TFEC: variants seen among roughly 807,000 people sequenced by gnomAD.
The protein encoded by TFEC is class E basic helix-loop-helix protein 34.
TFEC carries 31 observed loss-of-function variants against 41.6 expected under a neutral mutation model. The ratio of observed to expected loss-of-function variants is 0.74; its 90% confidence interval spans 0.56 to 1.01. The LOEUF (loss-of-function observed/expected upper bound fraction) is 1.01. Among genes scored for constraint, TFEC ranks in the 50% least tolerant of loss-of-function variants. The pLI, the probability that TFEC is intolerant of heterozygous loss-of-function variation, is 0.00. For missense variants in TFEC, 402 were observed against 404.1 expected, an observed-to-expected ratio of 0.99 and a Z score of 0.04; for synonymous variants, 143 against 140.6, an observed-to-expected ratio of 1.02 and a Z score of -0.12.
At chr7:115,972,397 A>C (rs1398665808) in intron 3 of TFEC, among the ~76,000 whole-genome samples, 6 of 152,088 alleles carry the variant, frequency 3.9e-5, no homozygotes, top group African/African-American at 1.4e-4. Flanking sequence ...ACCAAAGCAA[A>C]GGCAGGTTAC....
At chr7:115,955,662 T>G (rs149603551) in intron 4 of TFEC, among the ~76,000 whole-genome samples, 1 of 152,212 alleles carries the variant, frequency 6.6e-6, no homozygotes, top group African/African-American at 2.4e-5. Flanking sequence ...TTATAAATGT[T>G]TATTACTTTG....
chr7:115,992,396 C>CA (rs1293511115), intron 1 of TFEC, among the ~76,000 whole-genome samples: 5 of 152,012 alleles, frequency 3.3e-5, no homozygotes, highest in Admixed American at 1.3e-4. Context: ...AAAAGCCCTT[C>CA]AAAAAATCAA....
intron 6 of TFEC, among the ~76,000 whole-genome samples, chr7:115,947,676 G>A (rs546589226): frequency 2.0e-5 from 3 of 151,432 alleles, no homozygotes; most frequent in South Asian, 4.4e-4. Context: ...GCCAGTGATG[G>A]TGAGCATTTT....
chr7:116,035,093 G>C (rs1795879620), upstream of TFEC, among the ~76,000 whole-genome samples: 1 of 151,784 alleles, frequency 6.6e-6, no homozygotes, highest in African/African-American at 2.4e-5. Flanking sequence ...CCATCTCCTT[G>C]CTGATGGACA....
At chr7:116,113,641 T>C (rs1172459261) in intron 1 of TFEC, among the ~76,000 whole-genome samples, 1 of 151,990 alleles carries the variant, frequency 6.6e-6, no homozygotes, top group East Asian at 1.9e-4. Context: ...CATAGGTAAA[T>C]ATTAATTTCA....
intron 3 of TFEC, among the ~76,000 whole-genome samples, chr7:116,077,436 T>A (rs1796984837): frequency 6.6e-6 from 1 of 152,094 alleles, no homozygotes; most frequent in Non-Finnish European, 1.5e-5. Context: ...AATGCTAATG[T>A]TGAATGTAAA....
At chr7:116,045,061 T>G (rs1005698927) in intron 3 of TFEC, among the ~76,000 whole-genome samples, 1 of 152,130 alleles carries the variant, frequency 6.6e-6, no homozygotes, top group Non-Finnish European at 1.5e-5. Flanking sequence ...CCCGAAAATG[T>G]GGAAGCGACT....
Position 116,148,862 on chromosome 7 carries a change from A to C in TFEC, c.-69+10928T>G, listed in dbSNP as rs560285762. Among the ~76,000 whole-genome samples, 8 of 152,192 alleles carry C rather than the reference A, an allele frequency of 5.3e-5. No homozygotes were observed. The South Asian group carries it at 1.7e-3, about 32-fold the overall frequency. ...ACATAGGGTCGCTAATTAAACGCAC[A>C]ACACTCGATGAGATCATCAAGAGAA... On this transcript the variant is annotated intron_variant, in intron 1 of 8. Coordinates refer to the TFEC transcript ENST00000484212.
intron 3 of TFEC, among the ~76,000 whole-genome samples, chr7:115,972,813 A>C (rs1296179810): frequency 6.6e-6 from 1 of 152,062 alleles, no homozygotes; most frequent in Non-Finnish European, 1.5e-5. Flanking sequence ...ACTCTACAAA[A>C]CAAGTAGATA....
At chr7:116,089,279 A>G (rs1024915726) in intron 3 of TFEC, among the ~76,000 whole-genome samples, 1 of 152,136 alleles carries the variant, frequency 6.6e-6, no homozygotes, top group Admixed American at 6.6e-5. Context: ...GGAAGTGTAT[A>G]GATTATTTAA....
chr7:116,033,135 A>G (rs2130898882), upstream of TFEC, among the ~76,000 whole-genome samples: 1 of 25,176 alleles, frequency 4.0e-5, no homozygotes, highest in East Asian at 3.2e-3. Flanking sequence ...TGATTCATCA[A>G]AAAAAAAAAA....
At chr7:116,123,312 C>A (rs1419620727) in intron 1 of TFEC, among the ~76,000 whole-genome samples, 1 of 151,946 alleles carries the variant, frequency 6.6e-6, no homozygotes, top group Admixed American at 6.6e-5. Flanking sequence ...TGGATCCAAC[C>A]TCTCCTTTTT....
chr7:115,940,709 C>G lies in TFEC; in HGVS notation c.886G>C (p.Ala296Pro). Residue 296 changes from alanine to proline, a missense_variant, in exon 8 of 8, where the codon GCT (alanine) becomes CCT (proline). Ala to Pro is a conservative substitution (Grantham distance 27). Coordinates refer to ENST00000265440, the MANE Select transcript of TFEC (RefSeq NM_012252.4). ...LSYFTDLSFSAALKEEQRLDG... is the reference protein window; with the variant it reads ...LSYFTDLSFSPALKEEQRLDG... ...AATCTTTGTTCCTCTTTCAATGCAG[C>G]ACTAAATGATAAATCTGTGAAGTAT... is the stretch of plus-strand genomic sequence containing the variant. 6.2e-7 allele frequency: 1 copy of G among 1,613,534 alleles called. No homozygotes were observed. The highest frequency in any genetic ancestry group is 8.5e-7 in the Non-Finnish European group (1 of 1,179,636).
At chr7:116,015,652 G>A (rs773392234) in intron 1 of TFEC, among the ~76,000 whole-genome samples, 19 of 152,044 alleles carry the variant, frequency 1.2e-4, no homozygotes, top group African/African-American at 3.1e-4. Context: ...AAATATTACC[G>A]ATAATATATA....
chr7:116,011,698 A>ACCT (rs1795007381), intron 1 of TFEC, among the ~76,000 whole-genome samples: 1 of 152,020 alleles, frequency 6.6e-6, no homozygotes, highest in Admixed American at 6.6e-5. Flanking sequence ...CTGAAACATG[A>ACCT]CCTCCAGTGT....
intron 1 of TFEC, among the ~76,000 whole-genome samples, chr7:115,987,052 C>A (rs1026861823): frequency 7.9e-5 from 12 of 152,224 alleles, no homozygotes; most frequent in Non-Finnish European, 2.9e-5. Context: ...ATACCATCTC[C>A]TCTTCAGGCC....
At chr7:116,110,904 A>G (rs1265899663) in exon 3 of TFEC, 67 of 1,524,866 alleles carry the variant, frequency 4.4e-5, no homozygotes, top group Non-Finnish European at 5.9e-5. Context: ...AGCTTGTAAC[A>G]TATTTCTCTT....
At chr7:115,944,114 C>A (rs1793665999) in intron 6 of TFEC, among the ~76,000 whole-genome samples, 1 of 136,736 alleles carries the variant, frequency 7.3e-6, no homozygotes, top group African/African-American at 2.7e-5. Context: ...ATCATTCTTA[C>A]ACAAAAGCAG....
At chr7:116,058,748 C>T (rs979721159) in intron 3 of TFEC, among the ~76,000 whole-genome samples, 1 of 151,584 alleles carries the variant, frequency 6.6e-6, no homozygotes, top group Non-Finnish European at 1.5e-5. Context: ...TGGGAAATCG[C>T]CAAATATTTA....
Sources: gnomAD v4.1 joint callset for allele counts (sites outside exome capture counted in the v4.1 genomes callset) on GRCh38, gnomAD v4.1.1 for gene constraint, MANE v1.5 for transcripts, NCBI Gene and HGNC (gene_info 2026-07-23, HGNC 2026-07-21) for gene names.